ABHD2: variants seen among roughly 807,000 people sequenced by gnomAD.
ABHD2 encodes the protein monoacylglycerol lipase ABHD2.
Under a neutral mutation model 48.1 loss-of-function variants are expected in ABHD2, and 20 were observed. The ratio of observed to expected loss-of-function variants is 0.42; its 90% confidence interval spans 0.29 to 0.60. The LOEUF is 0.60. ABHD2 is among the 20% of genes least tolerant of loss of function. The pLI, the probability that ABHD2 is intolerant of heterozygous loss-of-function variation, is 0.24. For missense variants in ABHD2, 405 were observed against 550.9 expected (o/e 0.74, Z 2.65); for synonymous variants, 209 against 214.2 (o/e 0.98, Z 0.21).
chr15:89,061,891 A>G, the ABHD2 span, among the ~76,000 whole-genome samples: 1 of 152,124 alleles, frequency 6.6e-6, no homozygotes, highest in South Asian at 2.1e-4. Flanking sequence ...GATAATTTCA[A>G]AAAGAGTATT....
In ABHD2 at chr15:89,200,575, A is replaced by G. The variant is rs1300815288; in HGVS notation, c.*5152A>G. 1 of 153,212 alleles carries G rather than the reference A, an allele frequency of 6.5e-6. No homozygotes were observed. The highest frequency in any genetic ancestry group is 1.5e-5 in the Non-Finnish European group (1 of 68,394). 9.5% of individuals were successfully genotyped at this position (153,212 alleles called of 1,614,324 possible). A position where few individuals can be genotyped will look rare whatever the true frequency, so the allele number is the denominator to read the frequency against. On this transcript the variant is annotated 3_prime_UTR_variant, in exon 11 of 11. Coordinates refer to ENST00000352732, the MANE Select transcript of ABHD2 (RefSeq NM_152924.5). Reference sequence around the variant, plus strand: ...GCTAGTGATGATCTGGTAATATACAATTTGTCCAGTAGCCAGTTTGTTTTT... The same window carrying G: ...GCTAGTGATGATCTGGTAATATACAGTTTGTCCAGTAGCCAGTTTGTTTTT...
At chr15:89,132,194 A>C (rs907484933) in intron 3 of ABHD2, among the ~76,000 whole-genome samples, 5 of 152,240 alleles carry the variant, frequency 3.3e-5, no homozygotes, top group Admixed American at 2.6e-4. Flanking sequence ...CTGTCGGGTC[A>C]GACACACACA....
the ABHD2 span, among the ~76,000 whole-genome samples, chr15:89,056,086 C>G: frequency 2.0e-5 from 3 of 152,240 alleles, no homozygotes; most frequent in South Asian, 6.2e-4. Context: ...CTCCTGGCCT[C>G]AAGCAATCCT....
chr15:89,117,068 C>T (rs1214686180), intron 3 of ABHD2, among the ~76,000 whole-genome samples: 2 of 152,154 alleles, frequency 1.3e-5, no homozygotes, highest in Non-Finnish European at 2.9e-5. Flanking sequence ...CTCAGTCACT[C>T]AGGCTGGAGT....
chr15:89,200,677 C>T lies in ABHD2; in HGVS notation c.*5254C>T, dbSNP rs187349622. 6.3e-4 allele frequency: 136 copies of T among 215,732 alleles called. 2 individuals carry two copies. The South Asian group carries it at 0.011, about 17-fold the overall frequency. 13.4% of individuals were successfully genotyped at this position (215,732 alleles called of 1,614,324 possible). A position where few individuals can be genotyped will look rare whatever the true frequency, so the allele number is the denominator to read the frequency against. On this transcript the variant is annotated 3_prime_UTR_variant, in exon 11 of 11. Coordinates refer to ENST00000352732, the MANE Select transcript of ABHD2 (RefSeq NM_152924.5). ...TGTACACACACAAAAAAATGGTCAC[C>T]GCAGGCCATACTACCAATGAAATGG...
intron 1 of ABHD2, among the ~76,000 whole-genome samples, chr15:89,113,226 C>T (rs1186782126): frequency 6.6e-6 from 1 of 152,204 alleles, no homozygotes; most frequent in East Asian, 1.9e-4. Context: ...TTGCTTTTGG[C>T]CCTGTTCTGT....
chr15:89,063,587 GAGAA>G, the ABHD2 span, among the ~76,000 whole-genome samples: 1 of 151,688 alleles, frequency 6.6e-6, no homozygotes, highest in Non-Finnish European at 1.5e-5. Context: ...TAAACACAAA[GAGAA>G]AGGGGAGTAT....
intron 1 of ABHD2, among the ~76,000 whole-genome samples, chr15:89,099,030 C>G (rs915674981): frequency 1.3e-5 from 2 of 152,160 alleles, no homozygotes; most frequent in Non-Finnish European, 2.9e-5. Flanking sequence ...AGAGCCTCAC[C>G]AGGGCCTGGC....
At chr15:89,098,762 T>G (rs1173610900) in intron 1 of ABHD2, among the ~76,000 whole-genome samples, 3 of 152,228 alleles carry the variant, frequency 2.0e-5, no homozygotes, top group Non-Finnish European at 4.4e-5. Context: ...CCATCTATCA[T>G]TAATATCACC....
At chr15:89,139,809 A>C (rs141386576) in intron 3 of ABHD2, among the ~76,000 whole-genome samples, 106 of 152,180 alleles carry the variant, frequency 7.0e-4, no homozygotes, top group Middle Eastern at 3.4e-3. Flanking sequence ...GCCTGTGAAG[A>C]TGGGCATTCT....
the ABHD2 span, among the ~76,000 whole-genome samples, chr15:89,050,738 G>T: frequency 9.2e-5 from 14 of 152,158 alleles, no homozygotes; most frequent in Non-Finnish European, 2.9e-5. Context: ...CACCTTCCCA[G>T]TTCCCTCAGC....
chr15:89,099,331 C>T (rs1280799419), intron 1 of ABHD2, among the ~76,000 whole-genome samples: 2 of 152,168 alleles, frequency 1.3e-5, no homozygotes, highest in Non-Finnish European at 2.9e-5. Context: ...GGCTCAGTGG[C>T]TCATACCTGT....
chr15:89,061,034 A>G, the ABHD2 span, among the ~76,000 whole-genome samples: 1 of 152,108 alleles, frequency 6.6e-6, no homozygotes. Context: ...GAGCTAAACA[A>G]TGGGTACTCA....
intron 5 of ABHD2, among the ~76,000 whole-genome samples, chr15:89,156,840 A>G (rs962841504): frequency 6.6e-6 from 1 of 152,248 alleles, no homozygotes; most frequent in African/African-American, 2.4e-5. Context: ...CACATAAAAT[A>G]TGCATCTGTA....
Position 89,170,080 on chromosome 15 carries a change from C to CTTTTTTTTTTTTTTT in ABHD2, c.539-5713_539-5699dup, listed in dbSNP as rs748983183. Among the ~76,000 whole-genome samples, 10 of 37,502 alleles carry CTTTTTTTTTTTTTTT rather than the reference C, an allele frequency of 2.7e-4. 2 individuals are homozygous for CTTTTTTTTTTTTTTT. The highest frequency in any genetic ancestry group is 3.3e-4 in the Non-Finnish European group (6 of 18,420). 24.6% of individuals were successfully genotyped at this position (37,502 alleles called of 152,430 possible). A position where few individuals can be genotyped will look rare whatever the true frequency, so the allele number is the denominator to read the frequency against. On this transcript the variant is annotated intron_variant, in intron 5 of 10. Transcript: ENST00000352732. ...GAGCCATTCCATGTCAGATCAGATT[C>CTTTTTTTTTTTTTTT]TTTTTTTTTTTTTTTTTTTTTTTTT...
chr15:89,068,424 G>T, the ABHD2 span, among the ~76,000 whole-genome samples: 4 of 152,292 alleles, frequency 2.6e-5, no homozygotes, highest in Admixed American at 6.5e-5. Flanking sequence ...TGAAAGCTGA[G>T]AATGACTCAA....
At position 89,106,308 on chromosome 15, in the gene ABHD2, C is replaced by G. The variant is rs948234056; in HGVS notation, c.-106-7417C>G. The G allele has an allele frequency of 6.5e-6, 1 of 152,992 alleles. No homozygotes were observed. Among genetic ancestry groups the G allele is most frequent in the East Asian group, 1.9e-4 (1 of 5,200 alleles). 9.5% of individuals were successfully genotyped at this position (152,992 alleles called of 1,614,324 possible). On this transcript the variant is annotated intron_variant, in intron 1 of 10. Transcript: ENST00000352732. The surrounding 1 kb of genome is among the most constrained non-coding windows in gnomAD (Gnocchi z 4.2). Reference sequence around the variant, plus strand: ...AGCGAAACTCCATCTCAAAAACAAACAAACCCAGAGTATTTGAGCACCGTG... The same window carrying G: ...AGCGAAACTCCATCTCAAAAACAAAGAAACCCAGAGTATTTGAGCACCGTG...
chr15:89,122,997 G>A (rs1297102187), intron 3 of ABHD2, among the ~76,000 whole-genome samples: 1 of 152,220 alleles, frequency 6.6e-6, no homozygotes, highest in African/African-American at 2.4e-5. Context: ...CCACATGTAT[G>A]TGGGTACTTT....
the ABHD2 span, among the ~76,000 whole-genome samples, chr15:89,047,783 A>G: frequency 0.21 from 28,975 of 136,496 alleles, 3,362 homozygotes; most frequent in African/African-American, 0.25. Context: ...TTTTGAGCCT[A>G]TGTGTGTCTC....
Sources: gnomAD v4.1 joint callset for allele counts (sites outside exome capture counted in the v4.1 genomes callset) on GRCh38, gnomAD v4.1.1 for gene constraint, Gnocchi (gnomAD v3.1) non-coding constraint, MANE v1.5 for transcripts, NCBI Gene and HGNC (gene_info 2026-07-23, HGNC 2026-07-21) for gene names.